The following GAREM1 variants were observed in gnomAD, a reference collection of about 807,000 sequenced individuals.
GAREM1 encodes GRB2-associated and regulator of MAPK protein 1.
GAREM1 carries 26 observed loss-of-function variants against 71.3 expected under a neutral mutation model. The observed-to-expected ratio is 0.36, with a 90% CI of 0.27 to 0.51. The LOEUF is 0.51. Among genes scored for constraint, GAREM1 ranks in the 20% least tolerant of loss-of-function variants. GAREM1 has a pLI of 0.95. For missense variants in GAREM1, 1,026 were observed against 1,103.1 expected, an observed-to-expected ratio of 0.93 and a Z score of 0.99; for synonymous variants, 440 against 433.2, an observed-to-expected ratio of 1.02 and a Z score of -0.20.
At chr18:32,417,857 T>C (rs955330829) in intron 1 of GAREM1, among the ~76,000 whole-genome samples, 1 of 152,142 alleles carries the variant, frequency 6.6e-6, no homozygotes, top group African/African-American at 2.4e-5. Context: ...TAATTGTACA[T>C]TTAAAAATAA....
intron 3 of GAREM1, among the ~76,000 whole-genome samples, chr18:32,306,303 C>G (rs1316239012): frequency 6.6e-6 from 1 of 152,138 alleles, no homozygotes; most frequent in Admixed American, 6.5e-5. Context: ...TTCTAGACCC[C>G]TAAATGCTGG....
chr18:32,399,288 T>C (rs913764234), intron 1 of GAREM1, among the ~76,000 whole-genome samples: 3 of 151,998 alleles, frequency 2.0e-5, no homozygotes, highest in African/African-American at 7.3e-5. Flanking sequence ...CTCTCACCAC[T>C]CCTATTCAAC....
chr18:32,463,759 C>T (rs1240206959), intron 1 of GAREM1, among the ~76,000 whole-genome samples: 4 of 151,558 alleles, frequency 2.6e-5, no homozygotes, highest in East Asian at 3.9e-4. Flanking sequence ...TTAGTAGAGA[C>T]AGGGTTTCAC....
chr18:32,441,486 GA>G (rs1000557287), intron 1 of GAREM1, among the ~76,000 whole-genome samples: 2 of 152,138 alleles, frequency 1.3e-5, no homozygotes, highest in Admixed American at 1.3e-4. Context: ...CTTTCGAAAA[GA>G]AAAATTAAAG....
intron 2 of GAREM1, among the ~76,000 whole-genome samples, chr18:32,377,462 T>C (rs1315417071): frequency 2.0e-5 from 3 of 152,086 alleles, no homozygotes; most frequent in Admixed American, 1.3e-4. Context: ...TGGTGTAAGG[T>C]GACTGGACAT....
At chr18:32,440,239 C>T (rs2048721511) in intron 1 of GAREM1, among the ~76,000 whole-genome samples, 1 of 152,064 alleles carries the variant, frequency 6.6e-6, no homozygotes, top group Non-Finnish European at 1.5e-5. Context: ...CTTTTTTTAG[C>T]TGAAGAAAGT....
intron 2 of GAREM1, among the ~76,000 whole-genome samples, chr18:32,324,766 C>T (rs577175701): frequency 2.6e-4 from 40 of 152,246 alleles, no homozygotes; most frequent in Admixed American, 1.6e-3. Context: ...AAGCTACAAA[C>T]GGCAAGGCAA....
At chr18:32,393,581 T>C (rs2048223770) in intron 1 of GAREM1, among the ~76,000 whole-genome samples, 1 of 152,194 alleles carries the variant, frequency 6.6e-6, no homozygotes, top group Non-Finnish European at 1.5e-5. Context: ...AAATAAATAA[T>C]CTTATCTCTG....
chr18:32,470,413 A>G lies in GAREM1; in HGVS notation c.16T>C (p.Ser6Pro). Residue 6 changes from serine to proline, a missense_variant, in exon 1 of 6, where the codon TCG becomes CCG. Around this residue, in one of 3 missense-constraint regions of GAREM1, gnomAD observed 172 missense variants for 175.2 expected, o/e 0.98. Coordinates refer to ENST00000269209, the MANE Select transcript of GAREM1 (RefSeq NM_001242409.2). The surrounding 1 kb of genome is among the most constrained non-coding windows in gnomAD (Gnocchi z 4.4). Reference sequence around the variant, plus strand: ...ACATCCTTGAGGCTGCAGCCCAGCGAGGGCGCCGGGTCCATCTTCCCCGAA... The same window carrying G: ...ACATCCTTGAGGCTGCAGCCCAGCGGGGGCGCCGGGTCCATCTTCCCCGAA... MDPAPSLGCSLKDVKW... is the reference protein window; with the variant it reads MDPAPPLGCSLKDVKW... 2 of 1,524,004 alleles carry G rather than the reference A, an allele frequency of 1.3e-6. No individual in the cohort carries two copies. Among genetic ancestry groups the G allele is most frequent in the Non-Finnish European group, 1.8e-6 (2 of 1,133,318 alleles). The allele number at this position is 1,524,004 out of a possible 1,614,324, so 94.4% of individuals were successfully genotyped here.
chr18:32,357,285 T>A (rs909539692), intron 2 of GAREM1, among the ~76,000 whole-genome samples: 1 of 152,224 alleles, frequency 6.6e-6, no homozygotes, highest in African/African-American at 2.4e-5. Flanking sequence ...AAGACCAGCA[T>A]GGGCAACACA....
chr18:32,378,012 CTGTGTGTGTGTGTG>C (rs1157230204), intron 2 of GAREM1, among the ~76,000 whole-genome samples: 99 of 131,852 alleles, frequency 7.5e-4, no homozygotes, highest in African/African-American at 2.1e-3. Flanking sequence ...TACTATATAA[CTGTGTGTGTGTGTG>C]TGTGTGTGTG....
intron 1 of GAREM1, among the ~76,000 whole-genome samples, chr18:32,458,540 A>G (rs951802402): frequency 2.6e-5 from 4 of 152,082 alleles, no homozygotes; most frequent in Non-Finnish European, 5.9e-5. Context: ...CTGAAGACAA[A>G]TAAGTTAAAA....
At chr18:32,369,624 G>A (rs1034262020) in intron 2 of GAREM1, among the ~76,000 whole-genome samples, 1 of 152,108 alleles carries the variant, frequency 6.6e-6, no homozygotes, top group African/African-American at 2.4e-5. Flanking sequence ...CAATACTTTT[G>A]TTGAAAACAT....
At chr18:32,372,626 C>T (rs2047993693) in intron 2 of GAREM1, among the ~76,000 whole-genome samples, 1 of 152,202 alleles carries the variant, frequency 6.6e-6, no homozygotes, top group Non-Finnish European at 1.5e-5. Flanking sequence ...TGTGGAGCTT[C>T]CACACCTGCC....
intron 2 of GAREM1, among the ~76,000 whole-genome samples, chr18:32,385,895 C>G (rs77426681): frequency 6.6e-6 from 1 of 152,030 alleles, no homozygotes; most frequent in East Asian, 1.9e-4. Flanking sequence ...GTGAAAGTCA[C>G]ATGAAAAAAT....
intron 3 of GAREM1, among the ~76,000 whole-genome samples, chr18:32,288,713 ACTAT>A (rs1260603169): frequency 3.9e-5 from 6 of 152,124 alleles, no homozygotes; most frequent in Non-Finnish European, 5.9e-5. Context: ...GAACTTCTAT[ACTAT>A]CTTATCACTA....
At chr18:32,339,610 C>A (rs1057472146) in intron 2 of GAREM1, among the ~76,000 whole-genome samples, 13 of 152,346 alleles carry the variant, frequency 8.5e-5, no homozygotes, top group African/African-American at 2.9e-4. Context: ...TTCTAAATCT[C>A]TTCCTAGCCC....
At chr18:32,454,319 C>T (rs2048868406) in intron 1 of GAREM1, among the ~76,000 whole-genome samples, 1 of 151,934 alleles carries the variant, frequency 6.6e-6, no homozygotes, top group Non-Finnish European at 1.5e-5. Context: ...TGACAACCAC[C>T]AAGACACAAT....
chr18:32,315,485 T>C (rs2047369145), intron 2 of GAREM1, among the ~76,000 whole-genome samples: 3 of 147,230 alleles, frequency 2.0e-5, no homozygotes, highest in Non-Finnish European at 3.0e-5. Flanking sequence ...AAAGTAGATA[T>C]ATATAAAATA....
Sources: gnomAD v4.1 joint callset for allele counts (sites outside exome capture counted in the v4.1 genomes callset) on GRCh38, gnomAD v4.1.1 for gene constraint, gnomAD v4.1.1 regional missense constraint, Gnocchi (gnomAD v3.1) non-coding constraint, MANE v1.5 for transcripts, NCBI Gene and HGNC (gene_info 2026-07-23, HGNC 2026-07-21) for gene names.